The following SMARCA4 variants were observed in gnomAD, a reference collection of about 807,000 sequenced individuals.
SMARCA4 encodes the protein SWI/SNF-related matrix-associated actin-dependent regulator of chromatin subfamily A member 4.
Under a neutral mutation model 193.9 loss-of-function variants are expected in SMARCA4, and 31 were observed. The ratio of observed to expected loss-of-function variants is 0.16; its 90% CI spans 0.12 to 0.22. The LOEUF (loss-of-function observed/expected upper bound fraction) is 0.22. Ranked by LOEUF, SMARCA4 falls within the 10% of genes least tolerant of loss-of-function variation. The pLI is 1.00. For missense variants in SMARCA4, 1,148 were observed against 2,296.0 expected (o/e 0.50, Z 10.22); for synonymous variants, 942 against 933.1 (o/e 1.01, Z -0.17).
intron 23 of SMARCA4, 93 bp from the exon 24 acceptor site, chr19:11,027,691 C>G: frequency 3.5e-6 from 5 of 1,412,680 alleles, no homozygotes; most frequent in Non-Finnish European, 5.0e-6. Flanking sequence ...GGCGCCTGGC[C>G]TGGAGGCGGG....
intron 11 of SMARCA4, among the ~76,000 whole-genome samples, chr19:10,998,061 T>G (rs1315791191): frequency 2.0e-5 from 3 of 151,996 alleles, no homozygotes; most frequent in East Asian, 1.9e-4. Context: ...GTGTGTGTGT[T>G]TGTTTTTTTG....
At chr19:10,994,243 A>G (rs1367609834) in intron 8 of SMARCA4, among the ~76,000 whole-genome samples, 1 of 142,344 alleles carries the variant, frequency 7.0e-6, no homozygotes, top group Admixed American at 7.1e-5. Context: ...GGGTTTCACT[A>G]TGTTGGCTGG....
intron 6 of SMARCA4, 82 bp downstream of exon 6, chr19:10,988,006 A>G (rs1048118866): frequency 7.0e-7 from 1 of 1,429,216 alleles, no homozygotes; most frequent in African/African-American, 1.4e-5. Flanking sequence ...TTTCTCCCCC[A>G]CTCTAGCAAA....
At chr19:11,005,700 T>G (rs147493500) in intron 13 of SMARCA4, among the ~76,000 whole-genome samples, 1 of 152,208 alleles carries the variant, frequency 6.6e-6, no homozygotes, top group Admixed American at 6.5e-5. Flanking sequence ...CCAAGCCTCA[T>G]GGCCTGCAGC....
At position 10,996,663 on chromosome 19, in the gene SMARCA4, A is replaced by T. The variant is rs1255814049; in HGVS notation, c.1812+119A>T. 4.0e-6 allele frequency: 4 copies of T among 994,452 alleles called. No homozygotes were observed. The Admixed American group carries it at 5.4e-5, about 13-fold the overall frequency. The allele number at this position is 994,452 out of a possible 1,614,324, so 61.6% of individuals were successfully genotyped here. A position where few individuals can be genotyped will look rare whatever the true frequency, so the allele number is the denominator to read the frequency against. On this transcript the variant is annotated intron_variant, in intron 11 of 34. Transcript: ENST00000344626. ...AACAATGATATGTGATGATGGTGAG[A>T]ATCCCAGGGTGTCCTCTGACGCCCA...
intron 1 of SMARCA4, among the ~76,000 whole-genome samples, chr19:10,981,553 C>T (rs1306528826): frequency 1.3e-5 from 2 of 152,178 alleles, no homozygotes; most frequent in Non-Finnish European, 2.9e-5. Flanking sequence ...TGTCAGGGGC[C>T]ATCTTTTCAG....
At chr19:11,005,613 C>G (rs2088124902) in intron 13 of SMARCA4, among the ~76,000 whole-genome samples, 1 of 152,188 alleles carries the variant, frequency 6.6e-6, no homozygotes, top group South Asian at 2.1e-4. Context: ...CGTGGCTGAT[C>G]TCACCTCCAT....
At chr19:11,014,071 G>A (rs889950721) in intron 16 of SMARCA4, among the ~76,000 whole-genome samples, 1 of 152,164 alleles carries the variant, frequency 6.6e-6, no homozygotes, top group South Asian at 2.1e-4. Flanking sequence ...CGGCCTGGGG[G>A]TTAGTCTGGT....
intron 1 of SMARCA4, among the ~76,000 whole-genome samples, chr19:10,962,709 A>C (rs2083903466): frequency 6.6e-6 from 1 of 151,914 alleles, no homozygotes; most frequent in Admixed American, 6.6e-5. Context: ...CGCCTGGCTA[A>C]TTTTTGTATT....
chr19:10,982,604 A>G (rs1035173216), intron 1 of SMARCA4, among the ~76,000 whole-genome samples: 25 of 148,592 alleles, frequency 1.7e-4, no homozygotes, highest in African/African-American at 5.2e-4. Context: ...GGTTCACACC[A>G]TTCTCCTGGC....
chr19:10,999,125 C>T (rs1295046860), intron 11 of SMARCA4, among the ~76,000 whole-genome samples: 3 of 151,878 alleles, frequency 2.0e-5, no homozygotes, highest in East Asian at 2.0e-4. Flanking sequence ...AGGCTGGTCT[C>T]GAACTCCTGA....
In SMARCA4 at chr19:11,053,587, G is replaced by C. The variant is rs984833581; in HGVS notation, c.4425-4668G>C. ...GGAACAGTGGCAGAACTGAGCAGTTGCAACAGAGGCAGGCCCAGCAAGCCT... is the reference window on the plus strand; with the variant it reads ...GGAACAGTGGCAGAACTGAGCAGTTCCAACAGAGGCAGGCCCAGCAAGCCT... On this transcript the variant is annotated intron_variant, in intron 30 of 34. Transcript: ENST00000344626. Among the ~76,000 whole-genome samples, 36 of 152,250 alleles carry C rather than the reference G, an allele frequency of 2.4e-4. 1 individual carries two copies. Among genetic ancestry groups the C allele is most frequent in the Non-Finnish European group, 2.9e-5 (2 of 68,018 alleles).
intron 34 of SMARCA4, among the ~76,000 whole-genome samples, chr19:11,061,201 AAAAATATATATATATATATAT>A (rs1332071723): frequency 1.0e-4 from 7 of 69,990 alleles, no homozygotes; most frequent in African/African-American, 5.0e-4. Context: ...AAAAAAAAAA[AAAAATATATATATATATATAT>A]ATATATATAT....
chr19:10,993,717 C>G (rs2086759578), intron 8 of SMARCA4, among the ~76,000 whole-genome samples: 1 of 151,598 alleles, frequency 6.6e-6, no homozygotes, highest in African/African-American at 2.4e-5. Flanking sequence ...GCGATCTCGG[C>G]TCACTGCAAG....
chr19:11,003,278 A>G (rs1323446320), intron 12 of SMARCA4, 62 bp from the exon 13 acceptor site: 2 of 1,603,650 alleles, frequency 1.2e-6, no homozygotes, highest in African/African-American at 2.7e-5. Context: ...CAGGTTTGGT[A>G]GGGAAAGTGA....
chr19:11,025,940 C>T (rs2090224483), intron 22 of SMARCA4, among the ~76,000 whole-genome samples: 2 of 152,104 alleles, frequency 1.3e-5, no homozygotes, highest in Admixed American at 6.6e-5. Context: ...TGCATATGTT[C>T]GTGTTTCTTG....
At chr19:11,043,998 A>G (rs1471263026) in intron 30 of SMARCA4, among the ~76,000 whole-genome samples, 1 of 152,168 alleles carries the variant, frequency 6.6e-6, no homozygotes. Context: ...CAAAAACAAA[A>G]AAAGGGAATT....
At chr19:10,967,866 T>A (rs1397944699) in intron 1 of SMARCA4, among the ~76,000 whole-genome samples, 1 of 151,310 alleles carries the variant, frequency 6.6e-6, no homozygotes, top group Non-Finnish European at 1.5e-5. Context: ...GTATTTTTTT[T>A]TAATTTTTAT....
intron 14 of SMARCA4, chr19:11,008,425 G>A (rs2088457935): frequency 8.8e-6 from 3 of 342,692 alleles, no homozygotes; most frequent in Non-Finnish European, 1.7e-5. Flanking sequence ...TATCTCCAGT[G>A]TACATTGGTG....
Sources: gnomAD v4.1 joint callset for allele counts (sites outside exome capture counted in the v4.1 genomes callset) on GRCh38, gnomAD v4.1.1 for gene constraint, MANE v1.5 for transcripts, NCBI Gene and HGNC (gene_info 2026-07-23, HGNC 2026-07-21) for gene names.